The following TRIM24 variants were observed in gnomAD, a reference collection of about 807,000 sequenced individuals.
The protein encoded by TRIM24 is transcription intermediary factor 1-alpha.
Under a neutral mutation model 123.9 loss-of-function variants are expected in TRIM24, and 29 were observed. The observed-to-expected ratio is 0.23, with a 90% CI of 0.17 to 0.32. TRIM24 has a LOEUF of 0.32. Ranked by LOEUF, TRIM24 falls within the 10% of genes least tolerant of loss-of-function variation. TRIM24 has a pLI of 1.00. For synonymous variants in TRIM24, 456 were observed against 461.1 expected, an observed-to-expected ratio of 0.99 and a Z score of 0.14; for missense variants, 932 against 1,295.3, an observed-to-expected ratio of 0.72 and a Z score of 4.31.
rs763075216 is a variant in TRIM24 at position 138,585,984 on chromosome 7, G to C, written c.*1033G>C. On this transcript the variant is annotated 3_prime_UTR_variant, in exon 19 of 19. Transcript: ENST00000343526. ...TAGGATTTTGGGAGCAGGCAGCTGG[G>C]GGGAATTAATAGTGATTTTTTTTTT... The C allele has an allele frequency of 2.7e-5, 13 of 487,126 alleles. No homozygotes were observed. The highest frequency in any genetic ancestry group is 2.0e-4 in the African/African-American group (10 of 50,246). The allele number at this position is 487,126 out of a possible 1,614,324, so 30.2% of individuals were successfully genotyped here. A position where few individuals can be genotyped will look rare whatever the true frequency, so the allele number is the denominator to read the frequency against.
At chr7:138,510,319 TG>T (rs1173168120) in intron 2 of TRIM24, among the ~76,000 whole-genome samples, 1 of 152,260 alleles carries the variant, frequency 6.6e-6, no homozygotes, top group Non-Finnish European at 1.5e-5. Flanking sequence ...AGTTGTAGAA[TG>T]TTTGTATCAA....
chr7:138,553,234 G>A (rs1052584165), intron 8 of TRIM24, among the ~76,000 whole-genome samples: 1 of 152,086 alleles, frequency 6.6e-6, no homozygotes, highest in Admixed American at 6.6e-5. Context: ...AAGGAGACAA[G>A]TTTCCTAAAC....
chr7:138,561,539 G>A (rs1451340634), intron 9 of TRIM24, among the ~76,000 whole-genome samples: 1 of 152,160 alleles, frequency 6.6e-6, no homozygotes, highest in Admixed American at 6.5e-5. Context: ...TGCAGTACCT[G>A]GATGGTCAGT....
rs999691026 is a variant in TRIM24 at position 138,587,900 on chromosome 7, G to A, written c.*2949G>A. On this transcript the variant is annotated 3_prime_UTR_variant, in exon 19 of 19. Transcript: ENST00000343526. Reference sequence around the variant, plus strand: ...TTCAACGCAGAATACATTTTAGATCGGTATCTGGCATTGTAATCATTTTGT... The same window carrying A: ...TTCAACGCAGAATACATTTTAGATCAGTATCTGGCATTGTAATCATTTTGT... 2 of 152,168 alleles carry A rather than the reference G, an allele frequency of 1.3e-5. No individual in the cohort carries two copies. Among genetic ancestry groups the A allele is most frequent in the Non-Finnish European group, 2.9e-5 (2 of 68,030 alleles). The allele number at this position is 152,168 out of a possible 1,614,324, so 9.4% of individuals were successfully genotyped here.
At chr7:138,502,027 G>C (rs1796051997) in intron 1 of TRIM24, among the ~76,000 whole-genome samples, 1 of 152,154 alleles carries the variant, frequency 6.6e-6, no homozygotes, top group African/African-American at 2.4e-5. Context: ...AGTTCTGGTA[G>C]AGATGTAAAT....
chr7:138,470,209 C>T (rs1258604582), intron 1 of TRIM24, among the ~76,000 whole-genome samples: 1 of 138,828 alleles, frequency 7.2e-6, no homozygotes, highest in Non-Finnish European at 1.5e-5. Flanking sequence ...TGGCTCACTG[C>T]AACCTCTGCC....
chr7:138,560,109 A>G (rs1469578754), intron 9 of TRIM24, among the ~76,000 whole-genome samples: 1 of 152,218 alleles, frequency 6.6e-6, no homozygotes, highest in East Asian at 1.9e-4. Context: ...GACTCAGAGG[A>G]GGACCATGGG....
intron 2 of TRIM24, among the ~76,000 whole-genome samples, chr7:138,508,319 G>A (rs1272855911): frequency 2.0e-5 from 3 of 152,078 alleles, no homozygotes; most frequent in Non-Finnish European, 4.4e-5. Flanking sequence ...GTGGGAGAAG[G>A]GTAAGAATAT....
At chr7:138,547,630 G>A (rs150682991) in intron 7 of TRIM24, among the ~76,000 whole-genome samples, 531 of 152,178 alleles carry the variant, frequency 3.5e-3, no homozygotes, top group African/African-American at 0.012. Flanking sequence ...CTGCTGCCTG[G>A]TAAACACTTT....
At chr7:138,508,710 T>TGTGTGTGTGTGC (rs1554436698) in intron 2 of TRIM24, among the ~76,000 whole-genome samples, 9 of 96,238 alleles carry the variant, frequency 9.4e-5, no homozygotes, top group Admixed American at 5.0e-4. Context: ...CGTGTGTGCG[T>TGTGTGTGTGTGC]GTGTGTGTGC....
At chr7:138,518,656 C>T (rs571467408) in intron 3 of TRIM24, among the ~76,000 whole-genome samples, 3 of 152,126 alleles carry the variant, frequency 2.0e-5, no homozygotes, top group East Asian at 3.9e-4. Flanking sequence ...CTTTTTCCAT[C>T]TCTTTCTCTG....
intron 11 of TRIM24, among the ~76,000 whole-genome samples, chr7:138,571,815 C>T (rs1213431357): frequency 6.6e-6 from 1 of 152,176 alleles, no homozygotes; most frequent in East Asian, 1.9e-4. Context: ...AAGGGATCCT[C>T]CTGCCTTGGC....
chr7:138,577,281 GT>G (rs1797779597), intron 13 of TRIM24, 138 bp from the exon 14 acceptor site: 1 of 570,764 alleles, frequency 1.8e-6, no homozygotes, highest in African/African-American at 1.9e-5. Flanking sequence ...AGTTTCATTT[GT>G]TATGCATCAT....
chr7:138,570,282 G>A (rs1797626712), intron 10 of TRIM24, among the ~76,000 whole-genome samples: 2 of 152,020 alleles, frequency 1.3e-5, no homozygotes. Flanking sequence ...GTAAATTCCA[G>A]ACAGCAGCAT....
rs1311809107 is a variant in TRIM24, at chr7:138,589,855, T to C, written c.*4904T>C. 6.6e-6 allele frequency: 1 copy of C among 152,218 alleles called. No homozygotes were observed. Among genetic ancestry groups the C allele is most frequent in the Non-Finnish European group, 1.5e-5 (1 of 68,034 alleles). 9.4% of individuals were successfully genotyped at this position (152,218 alleles called of 1,614,324 possible). ...GAATTACTATGTTTTAAATTTACTA[T>C]TGGATATTTAACAGATCTTTCATGG... On this transcript the variant is annotated 3_prime_UTR_variant, in exon 19 of 19. Coordinates refer to ENST00000343526, the MANE Select transcript of TRIM24 (RefSeq NM_015905.3).
intron 1 of TRIM24, among the ~76,000 whole-genome samples, chr7:138,480,124 AT>A (rs34133381): frequency 0.8 from 121,236 of 151,994 alleles, 48,638 homozygotes; most frequent in African/African-American, 0.82. Context: ...CGGGCCATGA[AT>A]TAAGTTTTTA....
intron 1 of TRIM24, among the ~76,000 whole-genome samples, chr7:138,469,056 C>G (rs1211042595): frequency 1.3e-5 from 2 of 152,140 alleles, no homozygotes; most frequent in African/African-American, 4.8e-5. Context: ...GAAAAGTTGC[C>G]TAAGGTATCT....
chr7:138,555,321 C>T (rs1430778894), intron 9 of TRIM24, among the ~76,000 whole-genome samples: 2 of 152,094 alleles, frequency 1.3e-5, no homozygotes, highest in Non-Finnish European at 2.9e-5. Context: ...AGAATCTGCC[C>T]TCTTTGAGGA....
chr7:138,555,762 A>G (rs895462896), intron 9 of TRIM24, among the ~76,000 whole-genome samples: 3 of 152,090 alleles, frequency 2.0e-5, no homozygotes, highest in African/African-American at 4.8e-5. Context: ...GATTACAGGC[A>G]TGACCCACTG....
Sources: gnomAD v4.1 joint callset for allele counts (sites outside exome capture counted in the v4.1 genomes callset) on GRCh38, gnomAD v4.1.1 for gene constraint, MANE v1.5 for transcripts, NCBI Gene and HGNC (gene_info 2026-07-23, HGNC 2026-07-21) for gene names.